Variants in SNAP47 observed in about 807,000 individuals in gnomAD.
SNAP47 encodes synaptosomal-associated protein 47.
A neutral mutation model predicts 31.4 loss-of-function variants in SNAP47; 20 were observed. The observed-to-expected ratio is 0.64, with a 90% CI of 0.45 to 0.93. The LOEUF is 0.93. Ranked by LOEUF, SNAP47 falls within the 40% of genes least tolerant of loss-of-function variation. The pLI, the probability that SNAP47 is intolerant of heterozygous loss-of-function variation, is 0.00. For missense variants in SNAP47, 492 were observed against 528.5 expected, an observed-to-expected ratio of 0.93 and a Z score of 0.68; for synonymous variants, 194 against 213.4, an observed-to-expected ratio of 0.91 and a Z score of 0.79.
Position 227,767,053 on chromosome 1 carries a change from T to C in SNAP47, c.1083T>C (p.Leu361=). The stretch of plus-strand genomic sequence containing the variant: ...ACCTGCAGACAAGCCTGCCAGCCCT[T>C]TCTGAGGCAGATACCCAGGAACTAA... ...ALHLQTSLPA[L]SEADTQELTQ... Residue 361 remains leucine (L), a synonymous_variant, in exon 4 of 5, where the codon CTT becomes CTC. Coordinates refer to ENST00000617596, the MANE Select transcript of SNAP47 (RefSeq NM_053052.4). The C allele has an allele frequency of 6.2e-7, 1 of 1,614,084 alleles. No homozygotes were observed. The highest frequency in any genetic ancestry group is 1.6e-4 in the Middle Eastern group (1 of 6,062).
At chr1:227,777,069 T>G (rs1664202605) in intron 4 of SNAP47, 4 of 973,620 alleles carry the variant, frequency 4.1e-6, no homozygotes, top group Non-Finnish European at 4.9e-6. Flanking sequence ...CCCACTGCTT[T>G]CTTATGCACT....
intron 4 of SNAP47, among the ~76,000 whole-genome samples, chr1:227,778,030 G>T (rs1664260829): frequency 6.6e-6 from 1 of 152,234 alleles, no homozygotes; most frequent in Non-Finnish European, 1.5e-5. Context: ...ATAGCTATAG[G>T]ATGGTAAAAA....
At chr1:227,742,671 C>T (rs757819137) in intron 1 of SNAP47, among the ~76,000 whole-genome samples, 23 of 152,058 alleles carry the variant, frequency 1.5e-4, no homozygotes, top group Non-Finnish European at 2.8e-4. Context: ...GGTGGTGAGG[C>T]GTGGTCCCTC....
At chr1:227,737,448 G>GC (rs1661298757) in intron 1 of SNAP47, among the ~76,000 whole-genome samples, 2 of 152,232 alleles carry the variant, frequency 1.3e-5, no homozygotes, top group South Asian at 4.1e-4. Flanking sequence ...CATTCTAGGG[G>GC]CCATCAGACC....
At position 227,765,037 on chromosome 1, in the gene SNAP47, C is replaced by T. The variant is rs113709673; in HGVS notation, c.989-1922C>T. The stretch of plus-strand genomic sequence containing the variant: ...CAACCTAGGTGACATGCTATCTCTA[C>T]AAAATAAATAGTTGTTGTTTTTTAA... On this transcript the variant is annotated intron_variant, in intron 3 of 4. Transcript: ENST00000617596. Among the ~76,000 whole-genome samples the T allele has an allele frequency of 1.0e-3, 157 of 150,378 alleles. 2 individuals carry two copies. Among genetic ancestry groups the T allele is most frequent in the African/African-American group, 3.7e-3 (151 of 40,630 alleles).
At chr1:227,761,954 G>A (rs763114916) in intron 3 of SNAP47, among the ~76,000 whole-genome samples, 3 of 152,192 alleles carry the variant, frequency 2.0e-5, no homozygotes, top group Non-Finnish European at 2.9e-5. Flanking sequence ...GGGCCTCAAC[G>A]TGCATTCAGG....
intron 1 of SNAP47, among the ~76,000 whole-genome samples, chr1:227,729,838 C>T (rs1204898473): frequency 2.6e-5 from 4 of 152,284 alleles, no homozygotes; most frequent in Non-Finnish European, 5.9e-5. Flanking sequence ...CCCTAGGCCC[C>T]ATCATGTTCC....
In SNAP47 at chr1:227,747,684, T is replaced by A. The variant is rs1228862142; in HGVS notation, c.-45-8T>A. 6.3e-6 allele frequency: 10 copies of A among 1,579,044 alleles called. No homozygotes were observed. The Admixed American group carries it at 1.8e-4, about 28-fold the overall frequency. ...GACGGCAGAACGTTACTGTCTCTTCTCCTTCAGAGGCAGAAGAGGCCTGGA... is the reference window on the plus strand; with the variant it reads ...GACGGCAGAACGTTACTGTCTCTTCACCTTCAGAGGCAGAAGAGGCCTGGA... On this transcript the variant is annotated splice_region_variant and splice_polypyrimidine_tract_variant and intron_variant, in intron 1 of 4. Coordinates refer to ENST00000617596, the MANE Select transcript of SNAP47 (RefSeq NM_053052.4).
chr1:227,769,655 C>T (rs1342478448), intron 4 of SNAP47, among the ~76,000 whole-genome samples: 2 of 152,094 alleles, frequency 1.3e-5, no homozygotes, highest in African/African-American at 2.4e-5. Context: ...GCAGGGGTGA[C>T]ACGGCGAGCC....
chr1:227,766,479 A>C (rs1663407422), intron 3 of SNAP47, among the ~76,000 whole-genome samples: 2 of 152,240 alleles, frequency 1.3e-5, no homozygotes, highest in African/African-American at 4.8e-5. Flanking sequence ...TCTGAGCCTG[A>C]CCACGGGCAG....
intron 1 of SNAP47, among the ~76,000 whole-genome samples, chr1:227,739,871 A>G (rs1661474719): frequency 6.6e-6 from 1 of 152,170 alleles, no homozygotes; most frequent in Admixed American, 6.5e-5. Flanking sequence ...CCAGGCCCAC[A>G]CCTGCACTGG....
At chr1:227,775,471 G>C (rs750662549) in intron 4 of SNAP47, among the ~76,000 whole-genome samples, 1 of 152,162 alleles carries the variant, frequency 6.6e-6, no homozygotes, top group East Asian at 1.9e-4. Flanking sequence ...GCCGCACTCC[G>C]GCGTCGCGAG....
chr1:227,754,187 C>G (rs975571792), intron 2 of SNAP47, among the ~76,000 whole-genome samples: 2 of 152,346 alleles, frequency 1.3e-5, no homozygotes, highest in Non-Finnish European at 2.9e-5. Flanking sequence ...CTCCAACTGC[C>G]CCAGCCAAAC....
chr1:227,740,381 A>G (rs1661513061), intron 1 of SNAP47, among the ~76,000 whole-genome samples: 1 of 152,218 alleles, frequency 6.6e-6, no homozygotes, highest in Non-Finnish European at 1.5e-5. Flanking sequence ...TTCAATGACT[A>G]TCTCATTGAC....
Position 227,735,705 on chromosome 1 carries a change from A to C in SNAP47, c.-46+206A>C, listed in dbSNP as rs933599062. On this transcript the variant is annotated intron_variant, in intron 1 of 4. Coordinates refer to ENST00000617596, the MANE Select transcript of SNAP47 (RefSeq NM_053052.4). The stretch of plus-strand genomic sequence containing the variant: ...GGAGTGCGGCGGTGCGGGGGCGCCC[A>C]GGGATGATGGGACCCGGAGAGAACG... 10 of 984,432 alleles carry C rather than the reference A, an allele frequency of 1.0e-5. No homozygotes were observed. The South Asian group carries it at 1.4e-4, about 14-fold the overall frequency. The allele number at this position is 984,432 out of a possible 1,614,324, so 61.0% of individuals were successfully genotyped here. A position where few individuals can be genotyped will look rare whatever the true frequency, so the allele number is the denominator to read the frequency against.
At chr1:227,733,555 G>A, upstream of SNAP47, 1 of 1,606,678 alleles carries the variant, frequency 6.2e-7, no homozygotes, top group South Asian at 1.1e-5. Context: ...TCACGTCGTA[G>A]GGCAGGTTGC....
chr1:227,768,427 T>C (rs749900911), intron 4 of SNAP47: 18 of 627,754 alleles, frequency 2.9e-5, no homozygotes, highest in Non-Finnish European at 3.4e-5. Flanking sequence ...TGGATGGCTC[T>C]GCCCATGTCC....
intron 2 of SNAP47, among the ~76,000 whole-genome samples, chr1:227,758,107 A>G (rs1322013688): frequency 1.3e-5 from 2 of 152,246 alleles, no homozygotes; most frequent in African/African-American, 4.8e-5. Flanking sequence ...TTGTGAAAAC[A>G]GAATCTGGAG....
chr1:227,768,966 G>A (rs1399234428), intron 4 of SNAP47, among the ~76,000 whole-genome samples: 2 of 152,224 alleles, frequency 1.3e-5, no homozygotes, highest in African/African-American at 4.8e-5. Context: ...GAAAAAATAG[G>A]AATTTTACCT....
Sources: gnomAD v4.1 joint callset for allele counts (sites outside exome capture counted in the v4.1 genomes callset) on GRCh38, gnomAD v4.1.1 for gene constraint, MANE v1.5 for transcripts, NCBI Gene and HGNC (gene_info 2026-07-23, HGNC 2026-07-21) for gene names.